KSR1: variants seen among roughly 807,000 people sequenced by gnomAD.
The protein encoded by KSR1 is kinase suppressor of ras.
KSR1 carries 35 observed loss-of-function variants against 92.9 expected under a neutral mutation model. The observed-to-expected ratio is 0.38, with a 90% CI of 0.29 to 0.50. The LOEUF is 0.50. KSR1 is among the 20% of genes least tolerant of loss of function. KSR1 has a pLI of 0.94. For synonymous variants in KSR1, 467 were observed against 472.6 expected, an observed-to-expected ratio of 0.99 and a Z score of 0.15; for missense variants, 972 against 1,158.5, an observed-to-expected ratio of 0.84 and a Z score of 2.34.
chr17:27,486,721 G>C (rs760201505), intron 1 of KSR1, among the ~76,000 whole-genome samples: 2 of 152,186 alleles, frequency 1.3e-5, no homozygotes, highest in African/African-American at 2.4e-5. Flanking sequence ...AGACTGCAGT[G>C]GGGGAGGGAG....
chr17:27,602,779 G>A (rs2073614213), intron 11 of KSR1, among the ~76,000 whole-genome samples: 1 of 152,216 alleles, frequency 6.6e-6, no homozygotes, highest in Non-Finnish European at 1.5e-5. Context: ...CTAAGGTTCT[G>A]ATCCCCCAGA....
chr17:27,588,560 G>T, intron 6 of KSR1, 25 bp downstream of exon 6: 1 of 1,576,822 alleles, frequency 6.3e-7, no homozygotes, highest in East Asian at 2.3e-5. Flanking sequence ...CCTGGAGGGG[G>T]AGCAGGGCAC....
intron 1 of KSR1, among the ~76,000 whole-genome samples, chr17:27,507,563 CTTTTTTTTTTTT>C (rs751092460): frequency 0.014 from 601 of 43,306 alleles, 4 homozygotes; most frequent in African/African-American, 0.051. Flanking sequence ...TATTGTTTGG[CTTTTTTTTTTTT>C]TTTTTTTTTT....
rs116270967 is a variant in KSR1, at chr17:27,585,393, G to A, written c.981-264G>A. 7.7e-3 allele frequency among the ~76,000 whole-genome samples: 1,180 copies of A among 152,268 alleles called. 17 individuals are homozygous for A. The highest frequency in any genetic ancestry group is 0.027 in the African/African-American group (1,137 of 41,552). ...TTGGTTGCTGGCGAGGCTTACGTAA[G>A]CTAATGTATTAAAGTGCACAGCACT... On this transcript the variant is annotated intron_variant, in intron 4 of 20. Transcript: ENST00000644974.
chr17:27,463,411 G>A (rs2150904471), intron 1 of KSR1, among the ~76,000 whole-genome samples: 1 of 152,014 alleles, frequency 6.6e-6, no homozygotes, highest in Non-Finnish European at 1.5e-5. Flanking sequence ...AGGAGGCTGA[G>A]GTGGAGGTTG....
chr17:27,585,840 G>A, intron 5 of KSR1, 179 bp downstream of exon 5: 1 of 642,156 alleles, frequency 1.6e-6, no homozygotes, highest in Middle Eastern at 2.5e-4. Flanking sequence ...GCCTTAAAGT[G>A]ACTGGCTGGC....
intron 9 of KSR1, among the ~76,000 whole-genome samples, chr17:27,594,003 G>T (rs987129162): frequency 1.3e-5 from 2 of 152,100 alleles, no homozygotes; most frequent in African/African-American, 4.8e-5. Context: ...ACCTCTCAGA[G>T]GCTCCAGCTC....
chr17:27,592,289 C>A, intron 7 of KSR1, 72 bp from the exon 8 acceptor site: 2 of 1,236,016 alleles, frequency 1.6e-6, no homozygotes, highest in Non-Finnish European at 2.4e-6. Flanking sequence ...GTGAATGCTA[C>A]ACAGAGCTAC....
chr17:27,609,701 G>A (rs2073861732), intron 16 of KSR1: 1 of 335,670 alleles, frequency 3.0e-6, no homozygotes, highest in African/African-American at 2.1e-5. Context: ...CCAAAAGGGA[G>A]CATGGCAGCA....
At chr17:27,560,270 A>ATT in intron 2 of KSR1, 13 of 375,620 alleles carry the variant, frequency 3.5e-5, no homozygotes, top group Non-Finnish European at 5.2e-5. Flanking sequence ...GCATGGAGCC[A>ATT]TTTTTTTTTT....
chr17:27,588,429 G>C (rs370099545), intron 5 of KSR1, 46 bp from the exon 6 acceptor site: 1 of 1,530,096 alleles, frequency 6.5e-7, no homozygotes, highest in Non-Finnish European at 8.8e-7. Flanking sequence ...ACGAGCTGTC[G>C]CCTGCGGAGT....
At chr17:27,621,900 T>C (rs1440471636) in intron 20 of KSR1, 1 of 1,613,330 alleles carries the variant, frequency 6.2e-7, no homozygotes, top group East Asian at 2.2e-5. Flanking sequence ...CTGATGCTGT[T>C]CTTTGCTTTC....
Position 27,601,874 on chromosome 17 carries a change from T to C in KSR1, c.1510+473T>C, listed in dbSNP as rs768035113. 3.3e-5 allele frequency: 52 copies of C among 1,599,438 alleles called. 3 individuals carry two copies. The South Asian group carries it at 5.9e-4, about 18-fold the overall frequency. On this transcript the variant is annotated intron_variant, in intron 11 of 20. Coordinates refer to ENST00000644974, the MANE Select transcript of KSR1 (RefSeq NM_001394583.1). ...GGCTTCTCTTAGTGGGCTTCACCCT[T>C]CTGTGCCTTACCACACAGTGCCATC...
chr17:27,524,896 A>C (rs1174154488), intron 1 of KSR1, among the ~76,000 whole-genome samples: 1 of 152,132 alleles, frequency 6.6e-6, no homozygotes, highest in East Asian at 1.9e-4. Context: ...GTTATATTAC[A>C]TTATGCTGTA....
At chr17:27,526,351 A>T (rs1373383883) in intron 1 of KSR1, 6 of 1,370,514 alleles carry the variant, frequency 4.4e-6, no homozygotes, top group African/African-American at 2.9e-5. Flanking sequence ...TTCTTTGCCA[A>T]CACAATTAAT....
chr17:27,526,270 C>G, intron 1 of KSR1: 1 of 662,686 alleles, frequency 1.5e-6, no homozygotes, highest in East Asian at 2.7e-5. Flanking sequence ...AAGTTAGTGA[C>G]TACTACCACT....
intron 1 of KSR1, among the ~76,000 whole-genome samples, chr17:27,484,679 CGAGG>C (rs551628064): frequency 8.2e-6 from 1 of 121,316 alleles, no homozygotes; most frequent in Non-Finnish European, 1.7e-5. Context: ...TGAGGTCCTG[CGAGG>C]GAGGGAGGGC....
chr17:27,597,585 A>G, intron 10 of KSR1, 149 bp downstream of exon 10: 1 of 827,296 alleles, frequency 1.2e-6, no homozygotes. Context: ...CAAGCACAAT[A>G]GCTCTGAGGT....
At chr17:27,568,132 G>C (rs1258008906) in intron 2 of KSR1, among the ~76,000 whole-genome samples, 1 of 152,206 alleles carries the variant, frequency 6.6e-6, no homozygotes, top group Non-Finnish European at 1.5e-5. Context: ...ACCACAGAGG[G>C]GCTGCCTGAG....
Sources: allele counts gnomAD v4.1 joint callset (sites outside exome capture counted in the v4.1 genomes callset), GRCh38; gene constraint gnomAD v4.1.1; transcripts MANE v1.5; gene names NCBI Gene and HGNC (gene_info 2026-07-23, HGNC 2026-07-21).